The following CCDC91 variants were observed in gnomAD, a reference collection of about 807,000 sequenced individuals.
The protein encoded by CCDC91 is coiled-coil domain-containing protein 91.
Under a neutral mutation model 63.2 loss-of-function variants are expected in CCDC91, and 48 were observed. The ratio of observed to expected loss-of-function variants is 0.76; its 90% CI spans 0.60 to 0.97. The LOEUF is 0.97. Ranked by LOEUF, CCDC91 falls within the 50% of genes least tolerant of loss-of-function variation. The pLI is 0.00. For synonymous variants in CCDC91, 167 were observed against 165.8 expected (o/e 1.01, Z -0.06); for missense variants, 500 against 494.6 (o/e 1.01, Z -0.10).
At chr12:28,466,103 A>G (rs1323121120) in intron 11 of CCDC91, among the ~76,000 whole-genome samples, 2 of 152,176 alleles carry the variant, frequency 1.3e-5, no homozygotes, top group Non-Finnish European at 2.9e-5. Context: ...AAGACAGGCT[A>G]TTTAATAGCA....
chr12:28,277,099 C>T (rs1388173130), intron 3 of CCDC91, among the ~76,000 whole-genome samples: 1 of 151,896 alleles, frequency 6.6e-6, no homozygotes, highest in Non-Finnish European at 1.5e-5. Flanking sequence ...AAATATTTCT[C>T]TGTAAGATCA....
intron 12 of CCDC91, among the ~76,000 whole-genome samples, chr12:28,487,735 T>A (rs1951800840): frequency 6.6e-6 from 1 of 151,794 alleles, no homozygotes. Context: ...CCAACTGAGC[T>A]TGAATTTCAG....
intron 12 of CCDC91, among the ~76,000 whole-genome samples, chr12:28,517,373 A>G (rs1940067610): frequency 6.6e-6 from 1 of 151,938 alleles, no homozygotes. Context: ...TGAGAGTCCA[A>G]GCCCTAAATG....
At chr12:28,413,793 C>G (rs1486984922) in intron 8 of CCDC91, among the ~76,000 whole-genome samples, 1 of 152,184 alleles carries the variant, frequency 6.6e-6, no homozygotes, top group Non-Finnish European at 1.5e-5. Context: ...AAACAATTGA[C>G]ATGAAATAAT....
Position 28,550,122 on chromosome 12 carries a change from C to T in CCDC91, c.*949C>T, listed in dbSNP as rs1007301003. The T allele has an allele frequency of 6.6e-6, 1 of 151,924 alleles. No homozygotes were observed. Among genetic ancestry groups the T allele is most frequent in the African/African-American group, 2.4e-5 (1 of 41,254 alleles). The allele number at this position is 151,924 out of a possible 1,614,324, so 9.4% of individuals were successfully genotyped here. On this transcript the variant is annotated 3_prime_UTR_variant, in exon 13 of 13. Coordinates refer to ENST00000536442, the MANE Select transcript of CCDC91 (RefSeq NM_018318.5). ...TGCATCTACTTTCATGGGCTTTGTA[C>T]GTTTCTGAGATTTCTCAGTGTAATA...
At chr12:28,426,587 G>C (rs535114500) in intron 8 of CCDC91, among the ~76,000 whole-genome samples, 1 of 152,060 alleles carries the variant, frequency 6.6e-6, no homozygotes, top group Admixed American at 6.6e-5. Context: ...TTTTGCCTTA[G>C]TCATGTTGAA....
At chr12:28,274,857 G>T (rs1948083951) in intron 3 of CCDC91, among the ~76,000 whole-genome samples, 1 of 151,980 alleles carries the variant, frequency 6.6e-6, no homozygotes, top group African/African-American at 2.4e-5. Context: ...TGATTGCCCT[G>T]GCCAGAACTT....
At chr12:28,405,143 A>T (rs1946856323) in intron 8 of CCDC91, among the ~76,000 whole-genome samples, 1 of 151,126 alleles carries the variant, frequency 6.6e-6, no homozygotes, top group Non-Finnish European at 1.5e-5. Context: ...TTATGATTTA[A>T]TTTTCTCTCC....
intron 6 of CCDC91, among the ~76,000 whole-genome samples, chr12:28,343,108 A>C (rs1238202933): frequency 1.3e-5 from 2 of 151,826 alleles, no homozygotes; most frequent in Non-Finnish European, 2.9e-5. Context: ...AGAGACATTG[A>C]GCAAAGAAAG....
intron 12 of CCDC91, among the ~76,000 whole-genome samples, chr12:28,518,338 G>A (rs1940188438): frequency 6.6e-6 from 1 of 151,468 alleles, no homozygotes; most frequent in African/African-American, 2.4e-5. Context: ...CAGTAGTAAA[G>A]TGGTATTGCA....
In CCDC91 at chr12:28,447,599, C is replaced by T. The variant is rs180974401; in HGVS notation, c.763-2562C>T. On this transcript the variant is annotated intron_variant, in intron 8 of 12. Transcript: ENST00000536442. ...GGGCACGGCGGCTCATCCTGTAATCCCAGCACTTTGGGAAGCTAAGGTGGG... is the reference window on the plus strand; with the variant it reads ...GGGCACGGCGGCTCATCCTGTAATCTCAGCACTTTGGGAAGCTAAGGTGGG... 2.5e-4 allele frequency among the ~76,000 whole-genome samples: 37 copies of T among 149,230 alleles called. 1 individual carries two copies. The East Asian group carries it at 3.3e-3, about 14-fold the overall frequency.
intron 8 of CCDC91, among the ~76,000 whole-genome samples, chr12:28,428,534 A>T (rs1408419885): frequency 7.1e-6 from 1 of 139,868 alleles, no homozygotes; most frequent in Non-Finnish European, 1.5e-5. Context: ...GCACCATTGC[A>T]CTCCAGCCTG....
At chr12:28,259,326 T>C (rs748264732) in intron 2 of CCDC91, 38 bp from the exon 3 acceptor site, 6 of 1,495,966 alleles carry the variant, frequency 4.0e-6, no homozygotes, top group Non-Finnish European at 2.8e-6. Context: ...ATTTCTGCTT[T>C]TCACATCTTC....
intron 3 of CCDC91, among the ~76,000 whole-genome samples, chr12:28,278,945 A>G (rs1161797883): frequency 6.6e-6 from 1 of 152,076 alleles, no homozygotes; most frequent in Non-Finnish European, 1.5e-5. Flanking sequence ...TACATATTAT[A>G]TAACTTATAT....
chr12:28,260,397 G>T (rs1256867915), intron 3 of CCDC91, among the ~76,000 whole-genome samples: 1 of 151,928 alleles, frequency 6.6e-6, no homozygotes, highest in African/African-American at 2.4e-5. Context: ...AAGATAAATG[G>T]AACAAAAGTG....
intron 8 of CCDC91, among the ~76,000 whole-genome samples, chr12:28,405,057 A>T (rs1592572106): frequency 1.3e-5 from 2 of 150,960 alleles, no homozygotes; most frequent in Admixed American, 1.3e-4. Flanking sequence ...ATTCTTTTCT[A>T]TTTGTTGCTC....
chr12:28,462,295 A>C (rs1286450114), intron 11 of CCDC91, among the ~76,000 whole-genome samples: 1 of 152,118 alleles, frequency 6.6e-6, no homozygotes, highest in Non-Finnish European at 1.5e-5. Flanking sequence ...TGCAATGCCT[A>C]ATATGTACAA....
chr12:28,548,290 AAC>A (rs1458541288), intron 12 of CCDC91, among the ~76,000 whole-genome samples: 3 of 152,058 alleles, frequency 2.0e-5, no homozygotes, highest in African/African-American at 7.2e-5. Flanking sequence ...ATTTTTTTAA[AAC>A]AGAGTCTCAC....
intron 8 of CCDC91, among the ~76,000 whole-genome samples, chr12:28,446,165 T>C (rs1949489858): frequency 6.6e-6 from 1 of 152,138 alleles, no homozygotes; most frequent in Non-Finnish European, 1.5e-5. Context: ...GTTTGGCTCA[T>C]AGCACCACTT....
Sources: allele counts gnomAD v4.1 joint callset (sites outside exome capture counted in the v4.1 genomes callset), GRCh38; gene constraint gnomAD v4.1.1; transcripts MANE v1.5; gene names NCBI Gene and HGNC (gene_info 2026-07-23, HGNC 2026-07-21).